SEMA3D: variants seen among roughly 807,000 people sequenced by gnomAD.
SEMA3D encodes semaphorin 3D, also known as semaphorin-3D.
SEMA3D carries 84 observed loss-of-function variants against 100.1 expected under a neutral mutation model. That is an observed-to-expected ratio of 0.84 (90% CI 0.70 to 1.01). SEMA3D has a LOEUF of 1.01. Ranked by LOEUF, SEMA3D falls within the 50% of genes least tolerant of loss-of-function variation. The probability of loss-of-function intolerance (pLI) is 0.00; values close to 1 mark genes in which losing one functional copy is unlikely to be tolerated. For missense variants in SEMA3D, 875 were observed against 934.1 expected (o/e 0.94, Z 0.82); for synonymous variants, 312 against 320.7 (o/e 0.97, Z 0.29).
the SEMA3D span, among the ~76,000 whole-genome samples, chr7:85,209,611 A>AT: frequency 3.3e-5 from 5 of 152,026 alleles, no homozygotes. Flanking sequence ...TTATCCTCTG[A>AT]TTCCTCTGTT....
intron 1 of SEMA3D, among the ~76,000 whole-genome samples, chr7:85,182,977 A>G (rs1053751939): frequency 2.0e-5 from 3 of 152,210 alleles, no homozygotes; most frequent in Admixed American, 1.3e-4. Flanking sequence ...ATGTGTCAGC[A>G]ATGTATTGAA....
chr7:85,205,175 A>G, the SEMA3D span, among the ~76,000 whole-genome samples: 1 of 152,102 alleles, frequency 6.6e-6, no homozygotes, highest in Non-Finnish European at 1.5e-5. Context: ...TTCCTTGTAT[A>G]CACTAATTAG....
chr7:85,035,457 G>A (rs2115944346), intron 12 of SEMA3D, among the ~76,000 whole-genome samples: 1 of 151,964 alleles, frequency 6.6e-6, no homozygotes, highest in South Asian at 2.1e-4. Context: ...TCTTAAGGAC[G>A]TTATGTTGAG....
chr7:85,219,219 C>T, the SEMA3D span, among the ~76,000 whole-genome samples: 922 of 151,860 alleles, frequency 6.1e-3, 19 homozygotes, highest in Non-Finnish European at 3.8e-3. Context: ...AGATTGTTCT[C>T]CAGAGCCCAC....
intron 3 of SEMA3D, 28 bp from the exon 4 acceptor site, chr7:85,097,993 G>C (rs1203324129): frequency 8.1e-7 from 1 of 1,239,300 alleles, no homozygotes. Flanking sequence ...AGAAAAGAAA[G>C]GAGAAAGAAA....
At chr7:85,015,816 A>T (rs907160870) in intron 15 of SEMA3D, among the ~76,000 whole-genome samples, 1 of 151,780 alleles carries the variant, frequency 6.6e-6, no homozygotes, top group Non-Finnish European at 1.5e-5. Context: ...CAGCAAACAA[A>T]ATCACATTTT....
At chr7:85,192,767 GTCA>G in the SEMA3D span, among the ~76,000 whole-genome samples, 2 of 152,162 alleles carry the variant, frequency 1.3e-5, no homozygotes, top group East Asian at 3.9e-4. Flanking sequence ...ATAATATTGT[GTCA>G]TCATAATACC....
At chr7:85,070,488 C>T (rs1171550980) in intron 6 of SEMA3D, among the ~76,000 whole-genome samples, 1 of 152,168 alleles carries the variant, frequency 6.6e-6, no homozygotes, top group Non-Finnish European at 1.5e-5. Flanking sequence ...TTCCCAGCCA[C>T]CTTAGGAGGA....
chr7:85,228,613 C>T, the SEMA3D span, among the ~76,000 whole-genome samples: 1 of 152,022 alleles, frequency 6.6e-6, no homozygotes, highest in Non-Finnish European at 1.5e-5. Flanking sequence ...GTATTCCTTC[C>T]TTGATCACAC....
the SEMA3D span, among the ~76,000 whole-genome samples, chr7:85,250,161 G>A: frequency 6.6e-6 from 1 of 151,862 alleles, no homozygotes; most frequent in African/African-American, 2.4e-5. Context: ...TTTTCCGACA[G>A]GCTTAAAAAA....
chr7:85,185,379 G>A (rs1791511583), intron 1 of SEMA3D, among the ~76,000 whole-genome samples: 1 of 151,824 alleles, frequency 6.6e-6, no homozygotes, highest in African/African-American at 2.4e-5. Flanking sequence ...CACACATGCA[G>A]GAGAACCCTT....
the SEMA3D span, among the ~76,000 whole-genome samples, chr7:85,217,074 A>C: frequency 6.6e-6 from 1 of 152,128 alleles, no homozygotes; most frequent in South Asian, 2.1e-4. Flanking sequence ...AAAGTTTAAT[A>C]GCTTCATATA....
At chr7:85,203,967 C>G in the SEMA3D span, among the ~76,000 whole-genome samples, 89 of 152,012 alleles carry the variant, frequency 5.9e-4, 1 homozygote, top group Non-Finnish European at 1.1e-3. Flanking sequence ...TAACAAAGAT[C>G]TGAACACAAG....
At chr7:85,019,053 C>A (rs1257571474) in intron 14 of SEMA3D, among the ~76,000 whole-genome samples, 1 of 151,618 alleles carries the variant, frequency 6.6e-6, no homozygotes, top group East Asian at 2.0e-4. Flanking sequence ...TATCAAATAG[C>A]ATTTTTGTTA....
intron 17 of SEMA3D, among the ~76,000 whole-genome samples, chr7:85,008,222 G>A (rs900089826): frequency 2.2e-4 from 34 of 151,814 alleles, no homozygotes; most frequent in African/African-American, 4.8e-5. Context: ...GACGATGTAG[G>A]TTGATTGTTG....
intron 1 of SEMA3D, among the ~76,000 whole-genome samples, chr7:85,169,451 C>T (rs1723191524): frequency 2.0e-5 from 3 of 151,662 alleles, no homozygotes; most frequent in South Asian, 2.1e-4. Context: ...TAACCTAAAG[C>T]GAAATGGGCT....
At chr7:85,087,217 G>A (rs1008389369) in intron 4 of SEMA3D, among the ~76,000 whole-genome samples, 1 of 152,222 alleles carries the variant, frequency 6.6e-6, no homozygotes, top group Non-Finnish European at 1.5e-5. Flanking sequence ...ATCAAAGAGA[G>A]TCATACCAGA....
At chr7:85,132,204 AC>A (rs1428489529) in intron 2 of SEMA3D, among the ~76,000 whole-genome samples, 1 of 151,888 alleles carries the variant, frequency 6.6e-6, no homozygotes, top group Non-Finnish European at 1.5e-5. Flanking sequence ...CATTTATAAT[AC>A]CCTGTGATTA....
At chr7:85,162,068 A>G (rs1790758049) in intron 1 of SEMA3D, among the ~76,000 whole-genome samples, 1 of 151,644 alleles carries the variant, frequency 6.6e-6, no homozygotes, top group African/African-American at 2.4e-5. Context: ...GCTGTTCCCA[A>G]TTTGTAAAAC....
Sources: gnomAD v4.1 joint callset for allele counts (sites outside exome capture counted in the v4.1 genomes callset) on GRCh38, gnomAD v4.1.1 for gene constraint, MANE v1.5 for transcripts, NCBI Gene and HGNC (gene_info 2026-07-23, HGNC 2026-07-21) for gene names.